Variants in IGF2BP2 observed in about 807,000 individuals in gnomAD.
The protein encoded by IGF2BP2 is insulin-like growth factor 2 mRNA-binding protein 2.
IGF2BP2 carries 17 observed loss-of-function variants against 75.8 expected under a neutral mutation model. That is an observed-to-expected ratio of 0.22 (90% CI 0.15 to 0.34). The LOEUF (loss-of-function observed/expected upper bound fraction) is 0.34, where lower values mean the gene tolerates loss of function less well. Among genes scored for constraint, IGF2BP2 ranks in the 10% least tolerant of loss-of-function variants. IGF2BP2 has a pLI of 1.00. For synonymous variants in IGF2BP2, 288 were observed against 295.6 expected (o/e 0.97, Z 0.26); for missense variants, 516 against 772.4 (o/e 0.67, Z 3.93).
intron 2 of IGF2BP2, among the ~76,000 whole-genome samples, chr3:185,764,151 A>T (rs1197663230): frequency 6.6e-6 from 1 of 151,034 alleles, no homozygotes; most frequent in East Asian, 2.0e-4. Context: ...TTATATGTCT[A>T]TTATATAAGT....
intron 12 of IGF2BP2, among the ~76,000 whole-genome samples, chr3:185,652,600 T>C (rs1208054780): frequency 6.6e-6 from 1 of 152,128 alleles, no homozygotes; most frequent in Non-Finnish European, 1.5e-5. Context: ...GCAGCAAAGG[T>C]ATCTCTGGTT....
chr3:185,683,657 T>C lies in IGF2BP2; in HGVS notation c.812+3400A>G, dbSNP rs76990121. On this transcript the variant is annotated intron_variant, in intron 7 of 15. Coordinates refer to ENST00000382199, the MANE Select transcript of IGF2BP2 (RefSeq NM_006548.6). ...CTCCTGACTCAAGTGATCCACCTTG[T>C]CTCAGCCTCCCAAAGTGCTGGGATT... Among the ~76,000 whole-genome samples the C allele has an allele frequency of 6.1e-3, 931 of 152,150 alleles. 7 individuals carry two copies. The highest frequency in any genetic ancestry group is 0.021 in the African/African-American group (878 of 41,518).
chr3:185,709,177 A>G (rs1386542644), intron 2 of IGF2BP2, among the ~76,000 whole-genome samples: 1 of 152,246 alleles, frequency 6.6e-6, no homozygotes, highest in Non-Finnish European at 1.5e-5. Context: ...TGTGTGGCAC[A>G]TGGTAAATAC....
chr3:185,711,348 T>C (rs147052751), intron 2 of IGF2BP2, among the ~76,000 whole-genome samples: 2 of 152,316 alleles, frequency 1.3e-5, no homozygotes, highest in Admixed American at 6.5e-5. Context: ...GCTAGTGACA[T>C]GTGCACCGCA....
intron 9 of IGF2BP2, among the ~76,000 whole-genome samples, chr3:185,673,526 C>A (rs954503599): frequency 3.3e-5 from 5 of 152,170 alleles, no homozygotes; most frequent in African/African-American, 9.7e-5. Context: ...TACATTTCTA[C>A]ATGGGGATGG....
intron 7 of IGF2BP2, among the ~76,000 whole-genome samples, chr3:185,678,097 C>A (rs1577936328): frequency 6.6e-6 from 1 of 152,046 alleles, no homozygotes. Context: ...ACATACAAAT[C>A]AAAAAATTTA....
intron 2 of IGF2BP2, among the ~76,000 whole-genome samples, chr3:185,711,563 T>C (rs984173140): frequency 6.6e-6 from 1 of 152,228 alleles, no homozygotes; most frequent in African/African-American, 2.4e-5. Context: ...CACCATTAGC[T>C]GAGCAGGCTC....
chr3:185,820,229 TACAC>T (rs1280743933), intron 2 of IGF2BP2, among the ~76,000 whole-genome samples: 4,630 of 133,874 alleles, frequency 0.035, 211 homozygotes, highest in African/African-American at 0.11. Context: ...TGTGTATATA[TACAC>T]ATACACACAC....
chr3:185,707,763 A>C (rs147095950), intron 2 of IGF2BP2, among the ~76,000 whole-genome samples: 1 of 152,288 alleles, frequency 6.6e-6, no homozygotes, highest in East Asian at 1.9e-4. Context: ...AACACAAAAA[A>C]ATGGTGATTA....
chr3:185,783,944 A>G (rs1735534964), intron 2 of IGF2BP2, among the ~76,000 whole-genome samples: 1 of 152,222 alleles, frequency 6.6e-6, no homozygotes, highest in South Asian at 2.1e-4. Flanking sequence ...ACAAAATTAA[A>G]TAAACAACAG....
At chr3:185,663,680 G>T (rs1716839101) in intron 10 of IGF2BP2, among the ~76,000 whole-genome samples, 1 of 152,054 alleles carries the variant, frequency 6.6e-6, no homozygotes, top group Admixed American at 6.5e-5. Context: ...ACCAGGCATA[G>T]GAATTATGTT....
Position 185,771,663 on chromosome 3 carries a change from C to T in IGF2BP2, c.239+51490G>A, listed in dbSNP as rs1224105229. On this transcript the variant is annotated intron_variant, in intron 2 of 15. Transcript: ENST00000382199. ...GGCTGCCGTCGCTTCTCAACAATTT[C>T]AATAAATTAGTGAATCTCTTTCTCT... Among the ~76,000 whole-genome samples, 3 of 152,124 alleles carry T rather than the reference C, an allele frequency of 2.0e-5. No homozygotes were observed. The East Asian group carries it at 5.8e-4, about 29-fold the overall frequency.
chr3:185,804,712 A>G (rs1738763169), intron 2 of IGF2BP2, among the ~76,000 whole-genome samples: 1 of 152,126 alleles, frequency 6.6e-6, no homozygotes, highest in Non-Finnish European at 1.5e-5. Flanking sequence ...ATCATAGGCC[A>G]GGCACGGTGG....
intron 2 of IGF2BP2, among the ~76,000 whole-genome samples, chr3:185,745,320 C>A (rs1730108964): frequency 6.6e-6 from 1 of 152,144 alleles, no homozygotes; most frequent in East Asian, 1.9e-4. Flanking sequence ...CCAGTGCTGT[C>A]CGTGTGAGGT....
intron 11 of IGF2BP2, 59 bp downstream of exon 11, chr3:185,658,282 C>T (rs1715786184): frequency 6.7e-7 from 1 of 1,494,106 alleles, no homozygotes; most frequent in Non-Finnish European, 9.3e-7. Context: ...CCACCAAGGG[C>T]CAAGTGGGCC....
chr3:185,770,427 A>T (rs1452777433), intron 2 of IGF2BP2, among the ~76,000 whole-genome samples: 3 of 152,230 alleles, frequency 2.0e-5, no homozygotes, highest in African/African-American at 7.2e-5. Flanking sequence ...GGTTATATTT[A>T]AAAAGGATTT....
chr3:185,728,043 C>A (rs1727601334), intron 2 of IGF2BP2, among the ~76,000 whole-genome samples: 1 of 152,222 alleles, frequency 6.6e-6, no homozygotes, highest in Non-Finnish European at 1.5e-5. Flanking sequence ...CTGTACCCTA[C>A]AGCTGGAGAA....
chr3:185,796,656 C>G (rs1306717541), intron 2 of IGF2BP2, among the ~76,000 whole-genome samples: 2 of 133,878 alleles, frequency 1.5e-5, no homozygotes, highest in African/African-American at 5.5e-5. Context: ...TAAGGTAATA[C>G]AATAGACAAC....
At chr3:185,690,867 C>T (rs966681670) in intron 5 of IGF2BP2, among the ~76,000 whole-genome samples, 2 of 152,292 alleles carry the variant, frequency 1.3e-5, no homozygotes, top group East Asian at 1.9e-4. Flanking sequence ...CTATCCTTTT[C>T]ACATATTTTT....
Sources: allele counts gnomAD v4.1 joint callset (sites outside exome capture counted in the v4.1 genomes callset), GRCh38; gene constraint gnomAD v4.1.1; transcripts MANE v1.5; gene names NCBI Gene and HGNC (gene_info 2026-07-23, HGNC 2026-07-21).